The following ANO6 variants were observed in gnomAD, a reference collection of about 807,000 sequenced individuals.
The protein encoded by ANO6 is anoctamin-6.
A neutral mutation model predicts 117.5 loss-of-function variants in ANO6; 106 were observed. That is an observed-to-expected ratio of 0.90 (90% confidence interval 0.77 to 1.06). ANO6 has a LOEUF of 1.06. ANO6 is among the 50% of genes least tolerant of loss of function. The pLI is 0.00. For synonymous variants in ANO6, 367 were observed against 385.1 expected (o/e 0.95, Z 0.55); for missense variants, 955 against 1,121.1 (o/e 0.85, Z 2.12).
At chr12:45,372,255 G>A (rs1380901342) in intron 9 of ANO6, among the ~76,000 whole-genome samples, 3 of 146,160 alleles carry the variant, frequency 2.1e-5, no homozygotes, top group Admixed American at 6.8e-5. Context: ...TGAAAGTGAT[G>A]GGGAGAATGG....
intron 10 of ANO6, among the ~76,000 whole-genome samples, chr12:45,384,050 T>G (rs376757068): frequency 1.3e-5 from 2 of 152,382 alleles, no homozygotes; most frequent in African/African-American, 4.8e-5. Flanking sequence ...TAGCTAGATC[T>G]TCTGAATAAC....
intron 1 of ANO6, among the ~76,000 whole-genome samples, chr12:45,242,315 C>T (rs12311471): frequency 0.033 from 5,019 of 152,324 alleles, 244 homozygotes; most frequent in African/African-American, 0.11. Context: ...GCTGCAGCCT[C>T]GCAGGTCGAT....
At chr12:45,409,046 G>A (rs1192130231) in intron 15 of ANO6, among the ~76,000 whole-genome samples, 1 of 151,992 alleles carries the variant, frequency 6.6e-6, no homozygotes, top group African/African-American at 2.4e-5. Flanking sequence ...AATGATAAGG[G>A]GGAAATGAAA....
At chr12:45,410,691 G>T (rs2137662125) in intron 16 of ANO6, among the ~76,000 whole-genome samples, 2 of 152,218 alleles carry the variant, frequency 1.3e-5, no homozygotes, top group South Asian at 4.1e-4. Context: ...GACAGGCTTT[G>T]CATTTATGCA....
chr12:45,437,715 G>C (rs1943723831), intron 19 of ANO6, among the ~76,000 whole-genome samples: 1 of 151,970 alleles, frequency 6.6e-6, no homozygotes, highest in South Asian at 2.1e-4. Context: ...GATTACAGGT[G>C]CACATGCCAC....
chr12:45,356,332 T>G (rs1002449095), intron 7 of ANO6, among the ~76,000 whole-genome samples: 70 of 152,092 alleles, frequency 4.6e-4, no homozygotes, highest in African/African-American at 1.3e-3. Flanking sequence ...AAATTAGTGG[T>G]TTTTTTTCTT....
intron 19 of ANO6, among the ~76,000 whole-genome samples, chr12:45,438,837 T>G (rs1259782408): frequency 6.6e-6 from 1 of 152,196 alleles, no homozygotes; most frequent in African/African-American, 2.4e-5. Context: ...GTAAGCCATA[T>G]GCAGGGAGTA....
chr12:45,431,379 C>T lies in ANO6; in HGVS notation c.*2068C>T. Reference sequence around the variant, plus strand: ...ACTATCTCCTAGTGTTTAAATTTGGCAGTTACTCGCCATGTATGTCAGCAT... The same window carrying T: ...ACTATCTCCTAGTGTTTAAATTTGGTAGTTACTCGCCATGTATGTCAGCAT... On this transcript the variant is annotated 3_prime_UTR_variant, in exon 20 of 20. Transcript: ENST00000320560. 1 of 985,360 alleles carries T rather than the reference C, an allele frequency of 1.0e-6. No individual in the cohort carries two copies. Among genetic ancestry groups the T allele is most frequent in the Non-Finnish European group, 1.2e-6 (1 of 829,926 alleles). The allele number at this position is 985,360 out of a possible 1,614,324, so 61.0% of individuals were successfully genotyped here. A position where few individuals can be genotyped will look rare whatever the true frequency, so the allele number is the denominator to read the frequency against.
rs926513427 is a variant in ANO6, at chr12:45,260,620, G to A, written c.71-41394G>A. Among the ~76,000 whole-genome samples the A allele has an allele frequency of 1.3e-5, 2 of 152,200 alleles. 1 individual carries two copies. Among genetic ancestry groups the A allele is most frequent in the Middle Eastern group, 6.8e-3 (2 of 294 alleles). On this transcript the variant is annotated intron_variant, in intron 1 of 19. Coordinates refer to ENST00000320560, the MANE Select transcript of ANO6 (RefSeq NM_001025356.3). ...GAGCTCTCTGGGATGCATGAATTAG[G>A]TGCTAGTCTTATGCTATCACAAGTC...
At chr12:45,386,907 G>C (rs891890352) in intron 10 of ANO6, among the ~76,000 whole-genome samples, 7 of 152,190 alleles carry the variant, frequency 4.6e-5, no homozygotes, top group Non-Finnish European at 7.3e-5. Flanking sequence ...CCCTCCTCTG[G>C]GATGGCCTTC....
chr12:45,374,861 T>G (rs985910897), intron 9 of ANO6, among the ~76,000 whole-genome samples: 1 of 152,132 alleles, frequency 6.6e-6, no homozygotes, highest in Non-Finnish European at 1.5e-5. Context: ...CAGGGCAATT[T>G]GGCAGGAGAA....
intron 1 of ANO6, among the ~76,000 whole-genome samples, chr12:45,266,382 AT>A (rs1565654117): frequency 1.3e-5 from 2 of 152,202 alleles, no homozygotes; most frequent in African/African-American, 4.8e-5. Flanking sequence ...AATATATTGC[AT>A]TGTGGTCTGA....
chr12:45,424,820 G>A (rs959353193), intron 19 of ANO6, among the ~76,000 whole-genome samples: 1 of 151,990 alleles, frequency 6.6e-6, no homozygotes, highest in African/African-American at 2.4e-5. Flanking sequence ...CCCAAAACAG[G>A]GCTGCATTTG....
At chr12:45,419,738 A>C (rs1223417647) in intron 17 of ANO6, among the ~76,000 whole-genome samples, 1 of 152,088 alleles carries the variant, frequency 6.6e-6, no homozygotes, top group Admixed American at 6.6e-5. Flanking sequence ...TTAAAGTAAA[A>C]ATCCTTTCTC....
chr12:45,341,241 A>C (rs1940971610), intron 3 of ANO6, among the ~76,000 whole-genome samples: 2 of 152,238 alleles, frequency 1.3e-5, no homozygotes, highest in Admixed American at 1.3e-4. Flanking sequence ...TCTGGAGGGC[A>C]GTACAGCAAT....
chr12:45,392,808 A>G (rs909585323), intron 12 of ANO6, among the ~76,000 whole-genome samples: 1 of 152,214 alleles, frequency 6.6e-6, no homozygotes, highest in Non-Finnish European at 1.5e-5. Context: ...TAACATCAAC[A>G]AAAAGGTCAT....
intron 6 of ANO6, among the ~76,000 whole-genome samples, chr12:45,350,323 G>C (rs147137370): frequency 3.8e-4 from 58 of 152,228 alleles, no homozygotes; most frequent in African/African-American, 1.4e-3. Flanking sequence ...CTGGTGTGGT[G>C]ATTTGGGCAC....
chr12:45,294,292 C>T (rs117297855), intron 1 of ANO6, among the ~76,000 whole-genome samples: 2,848 of 152,140 alleles, frequency 0.019, 39 homozygotes, highest in Middle Eastern at 0.034. Context: ...TACCAGAATG[C>T]GGAGAGAATA....
chr12:45,409,717 A>G (rs539387482), intron 16 of ANO6, among the ~76,000 whole-genome samples: 1 of 152,302 alleles, frequency 6.6e-6, no homozygotes, highest in Admixed American at 6.5e-5. Flanking sequence ...TGGGCAATGA[A>G]ATGGAATATT....
Sources: allele counts gnomAD v4.1 joint callset (sites outside exome capture counted in the v4.1 genomes callset), GRCh38; gene constraint gnomAD v4.1.1; transcripts MANE v1.5; gene names NCBI Gene and HGNC (gene_info 2026-07-23, HGNC 2026-07-21).